The following NALF1 variants were observed in gnomAD, a reference collection of about 807,000 sequenced individuals.
The protein encoded by NALF1 is NALCN channel auxiliary factor 1.
NALF1 carries 3 observed loss-of-function variants against 48.4 expected under a neutral mutation model. The observed-to-expected ratio is 0.06, with a 90% CI of 0.03 to 0.16. The LOEUF (loss-of-function observed/expected upper bound fraction) is 0.16, where lower values mean the gene tolerates loss of function less well. NALF1 is among the 10% of genes least tolerant of loss of function. NALF1 has a pLI of 1.00. For synonymous variants in NALF1, 262 were observed against 245.7 expected (o/e 1.07, Z -0.62); for missense variants, 526 against 571.5 (o/e 0.92, Z 0.81).
At chr13:107,261,209 G>C (rs1003606717) in intron 1 of NALF1, among the ~76,000 whole-genome samples, 1 of 152,138 alleles carries the variant, frequency 6.6e-6, no homozygotes, top group Non-Finnish European at 1.5e-5. Context: ...AGGGGAAGGA[G>C]GCAGGTGACA....
At chr13:107,339,273 T>C (rs1044337795) in intron 1 of NALF1, among the ~76,000 whole-genome samples, 3 of 152,128 alleles carry the variant, frequency 2.0e-5, no homozygotes, top group Non-Finnish European at 1.5e-5. Context: ...TTGAGACTTA[T>C]GTGTTGGGTT....
intron 1 of NALF1, among the ~76,000 whole-genome samples, chr13:107,557,397 G>C (rs1877511691): frequency 6.6e-6 from 1 of 152,118 alleles, no homozygotes; most frequent in South Asian, 2.1e-4. Context: ...CTTTGGAAAG[G>C]GGATGGGGTG....
At chr13:107,254,062 A>AAAAATATATATATATATATATATATATAT in intron 1 of NALF1, among the ~76,000 whole-genome samples, 3 of 138,682 alleles carry the variant, frequency 2.2e-5, no homozygotes, top group African/African-American at 8.1e-5. Context: ...CAAGTACTAA[A>AAAAATATATATATATATATATATATATAT]ATATATATAT....
chr13:107,549,426 G>GT (rs1172892187), intron 1 of NALF1, among the ~76,000 whole-genome samples: 10 of 152,128 alleles, frequency 6.6e-5, no homozygotes, highest in Admixed American at 3.9e-4. Context: ...TTCACATCAG[G>GT]TGAGATTAAT....
chr13:107,716,458 T>C (rs1337784092), intron 1 of NALF1, among the ~76,000 whole-genome samples: 1 of 152,196 alleles, frequency 6.6e-6, no homozygotes, highest in Admixed American at 6.5e-5. Context: ...CCCAATCTCA[T>C]TTTCAGTTCA....
At chr13:107,589,548 C>G (rs1227440708) in intron 1 of NALF1, among the ~76,000 whole-genome samples, 1 of 151,874 alleles carries the variant, frequency 6.6e-6, no homozygotes, top group African/African-American at 2.4e-5. Flanking sequence ...AATGATCTAT[C>G]CAGGGTATTT....
chr13:107,563,086 C>T (rs1189842767), intron 1 of NALF1, among the ~76,000 whole-genome samples: 3 of 152,052 alleles, frequency 2.0e-5, no homozygotes, highest in African/African-American at 7.2e-5. Context: ...TTAATAACAA[C>T]AACAACAAAA....
At chr13:107,445,999 C>T (rs566634351) in intron 1 of NALF1, among the ~76,000 whole-genome samples, 121 of 152,046 alleles carry the variant, frequency 8.0e-4, no homozygotes, top group African/African-American at 2.7e-3. Context: ...AGTGCAGTGG[C>T]GCAATCTTAG....
chr13:107,824,379 T>C (rs1477117556), intron 1 of NALF1, among the ~76,000 whole-genome samples: 3 of 152,208 alleles, frequency 2.0e-5, no homozygotes, highest in African/African-American at 7.2e-5. Flanking sequence ...GAAAAAAAAC[T>C]ATGAATAGAT....
chr13:107,251,940 G>A (rs1344149920), intron 1 of NALF1, among the ~76,000 whole-genome samples: 1 of 152,168 alleles, frequency 6.6e-6, no homozygotes, highest in African/African-American at 2.4e-5. Flanking sequence ...AAGCAGAGAA[G>A]GGTGTCTGAG....
At chr13:107,831,079 T>C (rs563176293) in intron 1 of NALF1, among the ~76,000 whole-genome samples, 1 of 152,280 alleles carries the variant, frequency 6.6e-6, no homozygotes, top group Admixed American at 6.5e-5. Context: ...AAGAGTGTCC[T>C]CAAAATAGAA....
intron 1 of NALF1, among the ~76,000 whole-genome samples, chr13:107,219,918 C>A (rs1879955070): frequency 6.6e-6 from 1 of 152,174 alleles, no homozygotes; most frequent in African/African-American, 2.4e-5. Context: ...GAATCTGATA[C>A]TTTTACATAG....
chr13:107,315,001 G>T (rs914006306), intron 1 of NALF1, among the ~76,000 whole-genome samples: 1 of 151,966 alleles, frequency 6.6e-6, no homozygotes, highest in Non-Finnish European at 1.5e-5. Context: ...ACTCCTAAGG[G>T]GGTTACCCTG....
intron 1 of NALF1, among the ~76,000 whole-genome samples, chr13:107,242,417 GAATTAA>G (rs1365042145): frequency 6.6e-6 from 1 of 152,198 alleles, no homozygotes; most frequent in Non-Finnish European, 1.5e-5. Context: ...CCTCCAGGAG[GAATTAA>G]AGGGAAAGGT....
chr13:107,596,606 G>A (rs1878757438), intron 1 of NALF1, among the ~76,000 whole-genome samples: 1 of 152,108 alleles, frequency 6.6e-6, no homozygotes, highest in African/African-American at 2.4e-5. Flanking sequence ...TCACTCATAA[G>A]TGGGAGTTGA....
At chr13:107,712,781 A>G (rs1029043679) in intron 1 of NALF1, among the ~76,000 whole-genome samples, 3 of 152,216 alleles carry the variant, frequency 2.0e-5, no homozygotes, top group African/African-American at 7.2e-5. Context: ...CTTTCAGTAG[A>G]CAGTCTACAA....
intron 1 of NALF1, among the ~76,000 whole-genome samples, chr13:107,766,686 T>A (rs1010657740): frequency 6.6e-6 from 1 of 152,178 alleles, no homozygotes; most frequent in East Asian, 1.9e-4. Flanking sequence ...TAAAGCAACA[T>A]TCAGACAGCA....
chr13:107,508,880 C>G (rs186327100), intron 1 of NALF1, among the ~76,000 whole-genome samples: 1 of 152,034 alleles, frequency 6.6e-6, no homozygotes, highest in Admixed American at 6.6e-5. Flanking sequence ...GAAAATACTA[C>G]GCTTTCCCTG....
intron 1 of NALF1, among the ~76,000 whole-genome samples, chr13:107,472,808 G>A (rs59948097): frequency 0.017 from 2,639 of 152,086 alleles, 77 homozygotes; most frequent in African/African-American, 0.061. Context: ...GCTTGCACAC[G>A]GCCTATTGTG....
Sources: allele counts gnomAD v4.1 joint callset (sites outside exome capture counted in the v4.1 genomes callset), GRCh38; gene constraint gnomAD v4.1.1; transcripts MANE v1.5; gene names NCBI Gene and HGNC (gene_info 2026-07-23, HGNC 2026-07-21).